Variants in CLK2 observed in about 807,000 individuals in gnomAD.
CLK2 encodes the protein CDC like kinase 2, also known as dual specificity protein kinase CLK2.
A neutral mutation model predicts 73.5 loss-of-function variants in CLK2; 12 were observed. That is an observed-to-expected ratio of 0.16 (90% CI 0.10 to 0.26). The LOEUF (loss-of-function observed/expected upper bound fraction) is 0.26, where lower values mean the gene tolerates loss of function less well. Ranked by LOEUF, CLK2 falls within the 10% of genes least tolerant of loss-of-function variation. The pLI is 1.00. For synonymous variants in CLK2, 232 were observed against 237.9 expected (o/e 0.98, Z 0.23); for missense variants, 509 against 688.4 (o/e 0.74, Z 2.92).
Position 155,269,525 on chromosome 1 carries a change from C to G in CLK2, c.362G>C (p.Arg121Pro). ...GCTAAATGTCCGGCTGCGCCTCCTC[C>G]GCCGTCTGTGCTTCCTCCGGCTGCT... Reference protein sequence around the residue: ...QRSSRRKHRRRRRRSRTFSRS... With the variant: ...QRSSRRKHRRPRRRSRTFSRS... Residue 121 changes from arginine (R) to proline (P), a missense_variant, in exon 3 of 13, where the codon CGG becomes CCG. Transcript: ENST00000368361. 6.2e-7 allele frequency: 1 copy of G among 1,614,002 alleles called. No individual in the cohort carries two copies. Among genetic ancestry groups the G allele is most frequent in the Non-Finnish European group, 8.5e-7 (1 of 1,180,030 alleles).
chr1:155,263,507 A>C lies in CLK2; in HGVS notation c.1318-107T>G. 2.7e-6 allele frequency: 4 copies of C among 1,486,282 alleles called. No homozygotes were observed. In the South Asian group the frequency reaches 4.0e-5, roughly 15 times the overall value. The allele number at this position is 1,486,282 out of a possible 1,614,324, so 92.1% of individuals were successfully genotyped here. ...GAGAACCAAGGCTCTGCTTGCAACC[A>C]ATTTGAAGGCTACCTAACCACGACC... On this transcript the variant is annotated intron_variant, in intron 12 of 12. Coordinates refer to ENST00000368361, the MANE Select transcript of CLK2 (RefSeq NM_001294338.2).
chr1:155,266,740 T>C lies in CLK2; in HGVS notation c.827A>G (p.Gln276Arg). Residue 276 changes from glutamine (Q) to arginine (R), a missense_variant, in exon 7 of 13, where the codon CAG becomes CGG. This residue lies in a region of CLK2 where 27 missense variants were observed against 30.5 expected (regional missense o/e 0.89). Coordinates refer to ENST00000368361, the MANE Select transcript of CLK2 (RefSeq NM_001294338.2). ...QVRHMAFQLC[Q>R]AVKFLHDNKL... Reference sequence around the variant, plus strand: ...CCCACCCCACTCACACTTGACAGCCTGGCACAGCTGGAAGGCCATGTGGCG... The same window carrying C: ...CCCACCCCACTCACACTTGACAGCCCGGCACAGCTGGAAGGCCATGTGGCG... The C allele has an allele frequency of 1.2e-6, 2 of 1,612,734 alleles. No individual in the cohort carries two copies. Among genetic ancestry groups the C allele is most frequent in the Non-Finnish European group, 1.7e-6 (2 of 1,179,602 alleles).
chr1:155,264,172 C>T, intron 11 of CLK2, 49 bp downstream of exon 11: 3 of 1,602,610 alleles, frequency 1.9e-6, no homozygotes, highest in Non-Finnish European at 2.6e-6. Context: ...TAGACCAATT[C>T]TGTGGAGAGA....
chr1:155,269,033 C>A, intron 3 of CLK2: 1 of 604,184 alleles, frequency 1.7e-6, no homozygotes, highest in South Asian at 1.9e-5. Flanking sequence ...GAGGCATGGG[C>A]AGAGCAGAGA....
chr1:155,266,648 G>A (rs1673246393), intron 7 of CLK2, 81 bp downstream of exon 7: 3 of 1,445,916 alleles, frequency 2.1e-6, no homozygotes, highest in South Asian at 1.3e-5. Context: ...CTGTTTAGGG[G>A]CTTCACCAGT....
intron 3 of CLK2, chr1:155,269,066 C>T (rs1224307093): frequency 3.4e-6 from 2 of 591,090 alleles, no homozygotes; most frequent in Non-Finnish European, 6.0e-6. Context: ...GCCAATGTCA[C>T]CCACAACCCC....
Position 155,270,877 on chromosome 1 carries a change from G to A in CLK2, c.101C>T (p.Ser34Phe). 2 of 1,614,194 alleles carry A rather than the reference G, an allele frequency of 1.2e-6. No homozygotes were observed. The highest frequency in any genetic ancestry group is 8.5e-7 in the Non-Finnish European group (1 of 1,180,034). The change falls in exon 2 of 13, where the codon TCC (serine) becomes TTC (phenylalanine). Residue 34 changes from serine (S) to phenylalanine (F), a missense_variant. This residue lies in a region of CLK2 where 222 missense variants were observed against 221.7 expected (regional missense o/e 1.00). Coordinates refer to ENST00000368361, the MANE Select transcript of CLK2 (RefSeq NM_001294338.2). The part of the protein sequence containing the change: ...SRKHKRRRSR[S>F]WSSSSDRTRR... ...TGTCCGGTCACTACTACTTGACCAG[G>A]AGCGACTTCTTCGTCGCTTATGCTT...
At position 155,264,516 on chromosome 1, in the gene CLK2, A is replaced by G; in HGVS notation, c.1098T>C (p.Ser366=). The G allele has an allele frequency of 3.7e-6, 6 of 1,614,184 alleles. No individual in the cohort carries two copies. Among genetic ancestry groups the G allele is most frequent in the Non-Finnish European group, 4.2e-6 (5 of 1,180,042 alleles). Residue 366 remains serine, a synonymous_variant, in exon 10 of 13, where the codon AGT becomes AGC. Transcript: ENST00000368361. ...AGTATTCAAAGATGATGCAGCCTAT[A>G]CTCCACACATCACAAGGCTGTGACC... ...LGWSQPCDVW[S]IGCIIFEYYV...
chr1:155,269,498 C>T lies in CLK2; in HGVS notation c.389G>A (p.Arg130His), dbSNP rs767641115. The T allele has an allele frequency of 2.6e-5, 42 of 1,613,644 alleles. No homozygotes were observed. Among genetic ancestry groups the T allele is most frequent in the Non-Finnish European group, 3.3e-5 (39 of 1,180,006 alleles). The change falls in exon 3 of 13, where the codon CGC (arginine) becomes CAC (histidine). Residue 130 changes from arginine to histidine, a missense_variant. Coordinates refer to ENST00000368361, the MANE Select transcript of CLK2 (RefSeq NM_001294338.2). ...RRRRRSRTFS[R>H]SSSQHSSRRA... The stretch of plus-strand genomic sequence containing the variant: ...TGGGCTGGCACTCACCGAAGATGAG[C>T]GGCTAAATGTCCGGCTGCGCCTCCT...
chr1:155,264,093 C>T (rs1276317434), intron 11 of CLK2, 53 bp from the exon 12 acceptor site: 1 of 1,568,962 alleles, frequency 6.4e-7, no homozygotes, highest in Admixed American at 1.7e-5. Flanking sequence ...GTTACAATTC[C>T]CTTATTTCCC....
Position 155,268,282 on chromosome 1 carries a change from C to T in CLK2, c.554+11G>A, listed in dbSNP as rs1272932920. On this transcript the variant is annotated intron_variant, in intron 5 of 12. Coordinates refer to ENST00000368361, the MANE Select transcript of CLK2 (RefSeq NM_001294338.2). This position sits in a 1 kb window ranked among gnomAD's most constrained non-coding sequence, Gnocchi z 5.6. ...TTTAGCCCCACATAGTAGGGAGGGA[C>T]TGACAGTTACCTGCGATGGTCAACA... The T allele has an allele frequency of 6.2e-7, 1 of 1,613,488 alleles. No homozygotes were observed. The highest frequency in any genetic ancestry group is 1.7e-5 in the Admixed American group (1 of 60,004).
intron 9 of CLK2, 35 bp downstream of exon 9, chr1:155,264,610 A>G: frequency 1.9e-6 from 3 of 1,614,222 alleles, no homozygotes; most frequent in African/African-American, 2.7e-5. Flanking sequence ...CCCTCACATC[A>G]TCTCACACAC....
rs576257474 is a variant in CLK2, at chr1:155,271,702, A to G, written c.1-725T>C. Among the ~76,000 whole-genome samples, 67 of 152,330 alleles carry G rather than the reference A, an allele frequency of 4.4e-4. 1 individual carries two copies. In the South Asian group the frequency reaches 9.3e-3, roughly 21 times the overall value. On this transcript the variant is annotated intron_variant, in intron 1 of 12. Transcript: ENST00000368361. ...TGCTGAGTTCCTCACAAGTCAATAG[A>G]GTAAAGCTTTGGTTTACAGTTATGA...
In CLK2 at chr1:155,267,911, G is replaced by A. The variant is rs1572017163; in HGVS notation, c.671+99C>T. Reference sequence around the variant, plus strand: ...TGAACAAAAGATGAATGGATGAGAAGGTCTAGGACTCCCCTGTCTGCCTAA... The same window carrying A: ...TGAACAAAAGATGAATGGATGAGAAAGTCTAGGACTCCCCTGTCTGCCTAA... On this transcript the variant is annotated intron_variant, in intron 6 of 12. Coordinates refer to ENST00000368361, the MANE Select transcript of CLK2 (RefSeq NM_001294338.2). The A allele has an allele frequency of 5.1e-6, 4 of 787,844 alleles. No homozygotes were observed. In the East Asian group the frequency reaches 7.3e-5, roughly 14 times the overall value. The allele number at this position is 787,844 out of a possible 1,614,324, so 48.8% of individuals were successfully genotyped here.
chr1:155,270,889 C>T lies in CLK2; in HGVS notation c.89G>A (p.Arg30Gln), dbSNP rs1203747560. Residue 30 changes from arginine to glutamine, a missense_variant, in exon 2 of 13, where the codon CGA (arginine) becomes CAA (glutamine). Arg to Gln is a conservative substitution (Grantham distance 43). Coordinates refer to ENST00000368361, the MANE Select transcript of CLK2 (RefSeq NM_001294338.2). ...EHYRSRKHKR[R>Q]RSRSWSSSSD... ...ACTACTTGACCAGGAGCGACTTCTT[C>T]GTCGCTTATGCTTTCGGCTCCGATA... The T allele has an allele frequency of 3.7e-6, 6 of 1,614,054 alleles. No homozygotes were observed. Among genetic ancestry groups the T allele is most frequent in the African/African-American group, 1.3e-5 (1 of 74,928 alleles).
chr1:155,265,824 C>T (rs765545020), intron 8 of CLK2, 36 bp downstream of exon 8: 2 of 1,363,896 alleles, frequency 1.5e-6, no homozygotes, highest in Non-Finnish European at 2.1e-6. Context: ...CAGCTGCCTG[C>T]CCCCAGTAAC....
rs1673322714 is a variant in CLK2 at position 155,268,184 on chromosome 1, G to C, written c.555-58C>G. The C allele has an allele frequency of 6.4e-7, 1 of 1,557,068 alleles. No individual in the cohort carries two copies. The highest frequency in any genetic ancestry group is 8.9e-7 in the Non-Finnish European group (1 of 1,128,550). Reference sequence around the variant, plus strand: ...TCTCAAGAATGTCTCAAAATGAACAGGGCTGTAGGGGGACTAAGAAATTCT... The same window carrying C: ...TCTCAAGAATGTCTCAAAATGAACACGGCTGTAGGGGGACTAAGAAATTCT... On this transcript the variant is annotated intron_variant, in intron 5 of 12. Coordinates refer to ENST00000368361, the MANE Select transcript of CLK2 (RefSeq NM_001294338.2). The surrounding 1 kb of genome is among the most constrained non-coding windows in gnomAD (Gnocchi z 5.6).
At chr1:155,269,113 C>T (rs1673368668) in intron 3 of CLK2, 1 of 576,374 alleles carries the variant, frequency 1.7e-6, no homozygotes, top group Non-Finnish European at 3.1e-6. Context: ...AGACACAGAT[C>T]TCCCCTTGCC....
intron 2 of CLK2, among the ~76,000 whole-genome samples, chr1:155,270,442 G>A (rs963767541): frequency 2.0e-5 from 3 of 152,190 alleles, no homozygotes; most frequent in Non-Finnish European, 4.4e-5. Flanking sequence ...TGTCTTATCT[G>A]TTAGCTTATT....
Sources: allele counts gnomAD v4.1 joint callset (sites outside exome capture counted in the v4.1 genomes callset), GRCh38; gene constraint gnomAD v4.1.1; regional missense constraint gnomAD v4.1.1; non-coding constraint Gnocchi (gnomAD v3.1); transcripts MANE v1.5; gene names NCBI Gene and HGNC (gene_info 2026-07-23, HGNC 2026-07-21).